The following NLGN1 variants were observed in gnomAD, a reference collection of about 807,000 sequenced individuals.
NLGN1 encodes neuroligin-1.
In NLGN1, 12 loss-of-function variants were observed where a neutral mutation model predicts 65.5. The ratio of observed to expected loss-of-function variants is 0.18; its 90% CI spans 0.12 to 0.30. The LOEUF is 0.30. NLGN1 is among the 10% of genes least tolerant of loss of function. The pLI is 1.00. For synonymous variants in NLGN1, 350 were observed against 359.5 expected (o/e 0.97, Z 0.30); for missense variants, 750 against 1,007.1 (o/e 0.74, Z 3.46).
chr3:173,574,344 A>T (rs1374513207), intron 2 of NLGN1, among the ~76,000 whole-genome samples: 1 of 152,000 alleles, frequency 6.6e-6, no homozygotes, highest in Admixed American at 6.5e-5. Context: ...TGTAGCAGGG[A>T]GTAACCCAAA....
Position 173,770,875 on chromosome 3 carries a change from T to C in NLGN1, c.494-36805T>C, listed in dbSNP as rs542308269. 5.3e-5 allele frequency among the ~76,000 whole-genome samples: 8 copies of C among 152,242 alleles called. No individual in the cohort carries two copies. The East Asian group carries it at 1.5e-3, about 29-fold the overall frequency. On this transcript the variant is annotated intron_variant, in intron 3 of 6. Coordinates refer to ENST00000457714, the Ensembl canonical transcript of NLGN1. ...TCCTGCTATTTTGCCATGAAGAGGC[T>C]TTCAACCTTTATAGGAGAGCTTGTG...
chr3:173,540,742 C>T (rs1170608588), intron 2 of NLGN1, among the ~76,000 whole-genome samples: 2 of 152,134 alleles, frequency 1.3e-5, no homozygotes, highest in South Asian at 2.1e-4. Context: ...CAAACTCCTC[C>T]CTCCTCTTAG....
chr3:173,923,539 A>G (rs370228586), intron 4 of NLGN1, among the ~76,000 whole-genome samples: 5 of 152,128 alleles, frequency 3.3e-5, no homozygotes, highest in African/African-American at 1.2e-4. Context: ...TGATTTAAAA[A>G]TTGCTGGTGT....
In NLGN1 at chr3:173,600,592, C is replaced by CTTTTTTTTTTTTTTTTTTTT. The variant is rs150984290; in HGVS notation, c.-320-3678_-320-3677insTTTTTTTTTTTTTTTTTTTT. Among the ~76,000 whole-genome samples, 443 of 103,474 alleles carry CTTTTTTTTTTTTTTTTTTTT rather than the reference C, an allele frequency of 4.3e-3. 142 individuals carry two copies. The highest frequency in any genetic ancestry group is 9.3e-3 in the East Asian group (28 of 3,018). The allele number at this position is 103,474 out of a possible 152,430, so 67.9% of individuals were successfully genotyped here. On this transcript the variant is annotated intron_variant, in intron 2 of 6. Coordinates refer to ENST00000457714, the Ensembl canonical transcript of NLGN1. ...AAGCAAGGTAGAAATAAAAACATAT[C>CTTTTTTTTTTTTTTTTTTTT]TTTTTTTTTAGAAAAAGATATGTAA...
chr3:173,800,000 G>T (rs1715069081), intron 3 of NLGN1, among the ~76,000 whole-genome samples: 1 of 98,200 alleles, frequency 1.0e-5, no homozygotes. Flanking sequence ...GTATGCAATG[G>T]GTATTTTTTT....
At chr3:173,578,175 G>A (rs1745819628) in intron 2 of NLGN1, among the ~76,000 whole-genome samples, 1 of 150,740 alleles carries the variant, frequency 6.6e-6, no homozygotes, top group Admixed American at 6.6e-5. Flanking sequence ...GGCGGAGTTT[G>A]CAGTGAGCTG....
chr3:174,001,727 A>G (rs957438251), intron 4 of NLGN1, among the ~76,000 whole-genome samples: 1 of 152,156 alleles, frequency 6.6e-6, no homozygotes, highest in African/African-American at 2.4e-5. Context: ...TATCTGGCAT[A>G]TGGAAAGCAT....
chr3:173,809,595 G>C (rs6785285), intron 4 of NLGN1, among the ~76,000 whole-genome samples: 128,390 of 152,170 alleles, frequency 0.84, 55,026 homozygotes, highest in African/African-American at 0.93. Context: ...TTGGCCACAA[G>C]TTTTTTTGCC....
intron 2 of NLGN1, among the ~76,000 whole-genome samples, chr3:173,450,169 A>C (rs972367784): frequency 8.5e-5 from 13 of 152,172 alleles, no homozygotes. Context: ...GATGGTCTTT[A>C]CAATTTGGCA....
chr3:174,068,280 T>C (rs559905739), intron 4 of NLGN1, among the ~76,000 whole-genome samples: 3 of 152,074 alleles, frequency 2.0e-5, no homozygotes, highest in East Asian at 3.9e-4. Flanking sequence ...TAGGTATCCA[T>C]AGGAAAGCTT....
intron 3 of NLGN1, among the ~76,000 whole-genome samples, chr3:173,610,810 T>C (rs9820667): frequency 0.61 from 92,129 of 151,730 alleles, 29,090 homozygotes; most frequent in Non-Finnish European, 0.7. Context: ...TTGGAGTGGC[T>C]TAACATAAAT....
At chr3:173,609,927 A>G (rs1302871096) in intron 3 of NLGN1, among the ~76,000 whole-genome samples, 1 of 151,972 alleles carries the variant, frequency 6.6e-6, no homozygotes, top group African/African-American at 2.4e-5. Flanking sequence ...GTGAGTATCT[A>G]GAGAAAGATA....
rs542913721 is a variant in NLGN1 at position 173,847,371 on chromosome 3, G to GT, written c.646+39545dup. Among the ~76,000 whole-genome samples, 23 of 152,114 alleles carry GT rather than the reference G, an allele frequency of 1.5e-4. 1 individual carries two copies. In the South Asian group the frequency reaches 4.8e-3, roughly 32 times the overall value. Reference sequence around the variant, plus strand: ...TTTCTCACATCTTAAAGATGATATGGTTTTTTATATTATTTACCAAATGCA... The same window carrying GT: ...TTTCTCACATCTTAAAGATGATATGGTTTTTTTATATTATTTACCAAATGCA... On this transcript the variant is annotated intron_variant, in intron 4 of 6. Coordinates refer to ENST00000457714, the Ensembl canonical transcript of NLGN1.
intron 4 of NLGN1, among the ~76,000 whole-genome samples, chr3:174,108,737 A>G (rs1714536427): frequency 6.6e-6 from 1 of 152,100 alleles, no homozygotes; most frequent in Non-Finnish European, 1.5e-5. Flanking sequence ...TGAGTGATGC[A>G]GGTCTGGCAA....
intron 4 of NLGN1, among the ~76,000 whole-genome samples, chr3:173,916,795 A>T (rs1350235298): frequency 6.6e-6 from 1 of 152,214 alleles, no homozygotes; most frequent in East Asian, 1.9e-4. Flanking sequence ...GGATTCCTTG[A>T]GTCTTGCTGA....
At chr3:173,424,728 C>T (rs1474032956) in intron 1 of NLGN1, among the ~76,000 whole-genome samples, 1 of 152,162 alleles carries the variant, frequency 6.6e-6, no homozygotes, top group Non-Finnish European at 1.5e-5. Flanking sequence ...GCCTAGACTT[C>T]ATTTTTCATA....
chr3:174,020,831 A>G (rs921058298), intron 4 of NLGN1, among the ~76,000 whole-genome samples: 1 of 152,270 alleles, frequency 6.6e-6, no homozygotes, highest in Non-Finnish European at 1.5e-5. Context: ...GCAAGTTAGT[A>G]TGTATATTCT....
intron 3 of NLGN1, among the ~76,000 whole-genome samples, chr3:173,645,929 G>A (rs1257260273): frequency 1.3e-5 from 2 of 152,122 alleles, no homozygotes; most frequent in African/African-American, 2.4e-5. Flanking sequence ...TCCTTAAACA[G>A]TCTGAACCCT....
chr3:174,261,019 G>T (rs1223045081), intron 4 of NLGN1, among the ~76,000 whole-genome samples: 1 of 151,904 alleles, frequency 6.6e-6, no homozygotes, highest in Non-Finnish European at 1.5e-5. Flanking sequence ...ATTTCTTAGG[G>T]CTCTGTTCTG....
Sources: allele counts gnomAD v4.1 joint callset (sites outside exome capture counted in the v4.1 genomes callset), GRCh38; gene constraint gnomAD v4.1.1; transcripts MANE v1.5; gene names NCBI Gene and HGNC (gene_info 2026-07-23, HGNC 2026-07-21).